Variants in SLC6A11 observed in about 807,000 individuals in gnomAD.
The protein encoded by SLC6A11 is solute carrier family 6 member 11.
A neutral mutation model predicts 74.8 loss-of-function variants in SLC6A11; 25 were observed. The ratio of observed to expected loss-of-function variants is 0.33; its 90% confidence interval spans 0.24 to 0.47. The LOEUF (loss-of-function observed/expected upper bound fraction) is 0.47. Ranked by LOEUF, SLC6A11 falls within the 20% of genes least tolerant of loss-of-function variation. The pLI, the probability that SLC6A11 is intolerant of heterozygous loss-of-function variation, is 1.00. For synonymous variants in SLC6A11, 330 were observed against 330.2 expected (o/e 1.00, Z 0.01); for missense variants, 574 against 837.0 (o/e 0.69, Z 3.88).
intron 6 of SLC6A11, among the ~76,000 whole-genome samples, chr3:10,877,599 G>GTTCT (rs1266611802): frequency 1.3e-5 from 2 of 152,204 alleles, no homozygotes; most frequent in Non-Finnish European, 2.9e-5. Flanking sequence ...GACTCTCAGA[G>GTTCT]GAAACACAGG....
chr3:10,893,277 G>C (rs975285542), intron 6 of SLC6A11, among the ~76,000 whole-genome samples: 1 of 152,172 alleles, frequency 6.6e-6, no homozygotes, highest in Non-Finnish European at 1.5e-5. Context: ...GCAAGGTGAG[G>C]TTGGAGGAAT....
rs1694919302 is a variant in SLC6A11 at position 10,877,213 on chromosome 3, CAG to C, written c.891+2120_891+2121del. The stretch of plus-strand genomic sequence containing the variant: ...CAAAGGCAGAGTTGAGTAGTTGAGA[CAG>C]AAACCCTATGGACCCCTGTGTCGGG... On this transcript the variant is annotated intron_variant, in intron 6 of 13. Coordinates refer to ENST00000254488, the MANE Select transcript of SLC6A11 (RefSeq NM_014229.3). Among the ~76,000 whole-genome samples the C allele has an allele frequency of 2.0e-5, 3 of 152,336 alleles. No individual in the cohort carries two copies. The South Asian group carries it at 6.2e-4, about 32-fold the overall frequency.
At chr3:10,844,405 GA>G (rs1284413053) in intron 5 of SLC6A11, 59 bp downstream of exon 5, 1 of 1,604,292 alleles carries the variant, frequency 6.2e-7, no homozygotes, top group Non-Finnish European at 8.5e-7. Context: ...GCTCACAGAT[GA>G]CCTAGAGAGT....
At chr3:10,933,110 C>A in intron 10 of SLC6A11, 41 bp from the exon 11 acceptor site, 4 of 1,436,050 alleles carry the variant, frequency 2.8e-6, no homozygotes, top group Non-Finnish European at 3.9e-6. Flanking sequence ...TCCCGTGTGT[C>A]CGTTCACCTC....
Position 10,878,055 on chromosome 3 carries a change from C to T in SLC6A11, c.891+2960C>T, listed in dbSNP as rs1694931702. Among the ~76,000 whole-genome samples, 3 of 152,192 alleles carry T rather than the reference C, an allele frequency of 2.0e-5. No homozygotes were observed. In the South Asian group the frequency reaches 6.2e-4, roughly 32 times the overall value. ...CTAACTGGTCATCCAGAAATGGCTC[C>T]TTGACCATCTAGGCCACTCCCCACC... On this transcript the variant is annotated intron_variant, in intron 6 of 13. Coordinates refer to ENST00000254488, the MANE Select transcript of SLC6A11 (RefSeq NM_014229.3).
intron 4 of SLC6A11, 120 bp downstream of exon 4, chr3:10,823,512 G>T: frequency 1.4e-6 from 1 of 691,070 alleles, no homozygotes; most frequent in South Asian, 1.6e-5. Flanking sequence ...GCACTTCCTG[G>T]CTTCTGTGAG....
At position 10,915,502 on chromosome 3, in the gene SLC6A11, G is replaced by A. The variant is rs1695442629; in HGVS notation, c.996-2827G>A. On this transcript the variant is annotated intron_variant, in intron 7 of 13. Transcript: ENST00000254488. The surrounding 1 kb of genome is among the most constrained non-coding windows in gnomAD (Gnocchi z 4.3). ...CCTGACAGCATAATAGCTTCTGGAG[G>A]TCTTAAAAGCCCAGCTCAGTGCCTG... Among the ~76,000 whole-genome samples, 1 of 152,202 alleles carries A rather than the reference G, an allele frequency of 6.6e-6. No homozygotes were observed. The highest frequency in any genetic ancestry group is 2.1e-4 in the South Asian group (1 of 4,830).
chr3:10,830,935 A>C (rs1476461396), intron 4 of SLC6A11, among the ~76,000 whole-genome samples: 2 of 152,124 alleles, frequency 1.3e-5, no homozygotes, highest in East Asian at 3.9e-4. Flanking sequence ...GCAGTAACCT[A>C]AGGCTCCTTC....
chr3:10,928,401 G>A (rs901404333), intron 9 of SLC6A11, among the ~76,000 whole-genome samples: 1 of 152,128 alleles, frequency 6.6e-6, no homozygotes, highest in African/African-American at 2.4e-5. Context: ...CTGAGTGGGG[G>A]ACAAGAGTGA....
chr3:10,935,207 C>A lies in SLC6A11; in HGVS notation c.1746+8C>A, dbSNP rs772554651. On this transcript the variant is annotated splice_region_variant and intron_variant, in intron 13 of 13. Transcript: ENST00000254488. ...GAGGGGACACTGCCCGAGGTGAGAC[C>A]GCCCCAGGAGGGCTGGTGCGTTTGG... The A allele has an allele frequency of 3.1e-6, 5 of 1,613,518 alleles. No individual in the cohort carries two copies. The African/African-American group carries it at 4.0e-5, about 13-fold the overall frequency.
chr3:10,929,867 A>G (rs1384732996), intron 10 of SLC6A11, among the ~76,000 whole-genome samples: 1 of 152,136 alleles, frequency 6.6e-6, no homozygotes, highest in African/African-American at 2.4e-5. Flanking sequence ...GAGGTTCTCC[A>G]TGACCTCCAA....
chr3:10,818,839 G>T (rs1045139840), intron 1 of SLC6A11, among the ~76,000 whole-genome samples: 1 of 152,192 alleles, frequency 6.6e-6, no homozygotes, highest in South Asian at 2.1e-4. Flanking sequence ...ATGCTTAGTG[G>T]TGGTCTTTTC....
At chr3:10,860,605 T>C (rs571680722) in intron 5 of SLC6A11, among the ~76,000 whole-genome samples, 47 of 152,310 alleles carry the variant, frequency 3.1e-4, no homozygotes, top group African/African-American at 9.6e-4. Flanking sequence ...GGTTGTAAGA[T>C]GTGTGCTGGG....
Position 10,873,384 on chromosome 3 carries a change from T to TTTATCCTATCCTATC in SLC6A11, c.757-1577_757-1576insTTATCCTATCCTATC, listed in dbSNP as rs1553671098. On this transcript the variant is annotated intron_variant, in intron 5 of 13. Transcript: ENST00000254488. ...CCTCCCCTATGCTCACCTTCATTAT[T>TTTATCCTATCCTATC]GTATCCTATCCTATGCTATCCTATC... Among the ~76,000 whole-genome samples, 256 of 90,612 alleles carry TTTATCCTATCCTATC rather than the reference T, an allele frequency of 2.8e-3. 23 individuals carry two copies. The highest frequency in any genetic ancestry group is 4.7e-3 in the South Asian group (12 of 2,548). The allele number at this position is 90,612 out of a possible 152,430, so 59.4% of individuals were successfully genotyped here. A position where few individuals can be genotyped will look rare whatever the true frequency, so the allele number is the denominator to read the frequency against.
chr3:10,837,606 C>T (rs1355981702), intron 4 of SLC6A11, among the ~76,000 whole-genome samples: 1 of 152,198 alleles, frequency 6.6e-6, no homozygotes, highest in Non-Finnish European at 1.5e-5. Context: ...TCAGATTTTA[C>T]ATGTGGCGTG....
chr3:10,899,812 G>A (rs1041323116), intron 6 of SLC6A11, among the ~76,000 whole-genome samples: 4 of 152,188 alleles, frequency 2.6e-5, no homozygotes, highest in African/African-American at 9.7e-5. Flanking sequence ...TGGAGCAGGA[G>A]CTTAAACACA....
At chr3:10,873,385 G>GCCTATCCTATCCTATGGCATGC (rs1694850882) in intron 5 of SLC6A11, among the ~76,000 whole-genome samples, 1 of 118,766 alleles carries the variant, frequency 8.4e-6, no homozygotes, top group African/African-American at 3.4e-5. Flanking sequence ...CTTCATTATT[G>GCCTATCCTATCCTATGGCATGC]TATCCTATCC....
rs762890234 is a variant in SLC6A11 at position 10,816,550 on chromosome 3, G to A, written c.256+29G>A. ...AGGTGATAGTGAGGAGAAGGGGAGG[G>A]GGCGCCAACCGCCCGGTGGGGGCGG... On this transcript the variant is annotated intron_variant, in intron 1 of 13. Transcript: ENST00000254488. This position sits in a 1 kb window ranked among gnomAD's most constrained non-coding sequence, Gnocchi z 4.2. 4 of 1,543,242 alleles carry A rather than the reference G, an allele frequency of 2.6e-6. No homozygotes were observed. The highest frequency in any genetic ancestry group is 3.7e-5 in the Admixed American group (2 of 53,474).
At position 10,842,652 on chromosome 3, in the gene SLC6A11, G is replaced by A. The variant is rs116776839; in HGVS notation, c.624-1562G>A. Among the ~76,000 whole-genome samples, 445 of 152,178 alleles carry A rather than the reference G, an allele frequency of 2.9e-3. 3 individuals are homozygous for A. The highest frequency in any genetic ancestry group is 0.01 in the African/African-American group (415 of 41,476). On this transcript the variant is annotated intron_variant, in intron 4 of 13. Transcript: ENST00000254488. ...TTGGTCCACCTTATCCTAGTAGAGA[G>A]CAAGGGCCATATGATGCTTACCTTT...
Sources: gnomAD v4.1 joint callset for allele counts (sites outside exome capture counted in the v4.1 genomes callset) on GRCh38, gnomAD v4.1.1 for gene constraint, Gnocchi (gnomAD v3.1) non-coding constraint, MANE v1.5 for transcripts, NCBI Gene and HGNC (gene_info 2026-07-23, HGNC 2026-07-21) for gene names.